Variants in AMMECR1 observed in about 807,000 individuals in gnomAD.
AMMECR1 encodes the protein AMMECR nuclear protein 1.
AMMECR1 carries 3 observed loss-of-function variants against 22.5 expected under a neutral mutation model. The observed-to-expected ratio is 0.13, with a 90% CI of 0.06 to 0.35. AMMECR1 has a LOEUF of 0.35. AMMECR1 is among the 10% of genes least tolerant of loss of function. The probability of loss-of-function intolerance (pLI) is 1.00; values close to 1 mark genes in which losing one functional copy is unlikely to be tolerated. For missense variants in AMMECR1, 235 were observed against 278.7 expected (o/e 0.84, Z 1.12); for synonymous variants, 130 against 116.7 (o/e 1.11, Z -0.74).
rs1263268844 is a variant in AMMECR1 at position 110,227,134 on chromosome X, T to C, written c.585-10502A>G. Among the ~76,000 whole-genome samples, 3 of 112,195 alleles carry C rather than the reference T, an allele frequency of 2.7e-5. No homozygotes were observed. In the Admixed American group the frequency reaches 2.8e-4, roughly 11 times the overall value. On this transcript the variant is annotated intron_variant, in intron 2 of 5. Coordinates refer to ENST00000262844, the MANE Select transcript of AMMECR1 (RefSeq NM_015365.3). ...TTTAATTTTGCTTTTCCAACCTGTA[T>C]GAATAAGCTCTCTCATACTCAGTAC...
At chrX:110,221,665 G>C in intron 2 of AMMECR1, among the ~76,000 whole-genome samples, 1 of 111,042 alleles carries the variant, frequency 9.0e-6, no homozygotes, top group Middle Eastern at 4.6e-3. Context: ...TAATATATAT[G>C]CTTAATATGA....
intron 1 of AMMECR1, among the ~76,000 whole-genome samples, chrX:110,316,995 G>A (rs1419930393): frequency 9.0e-6 from 1 of 111,164 alleles, no homozygotes; most frequent in Non-Finnish European, 1.9e-5. Context: ...GGGTGTATTT[G>A]GATAAAAATA....
At chrX:110,283,686 AC>A (rs1398566446) in intron 1 of AMMECR1, among the ~76,000 whole-genome samples, 3 of 111,741 alleles carry the variant, frequency 2.7e-5, no homozygotes, top group African/African-American at 6.5e-5. Flanking sequence ...CTCCCAAATA[AC>A]CCCACCTCCT....
intron 2 of AMMECR1, among the ~76,000 whole-genome samples, chrX:110,421,281 G>A (rs1408330477): frequency 4.4e-5 from 5 of 112,717 alleles, no homozygotes; most frequent in African/African-American, 1.6e-4. Context: ...GAAGGTGAGA[G>A]ATGCTTGCTT....
chrX:110,420,693 C>T (rs1347795914), intron 2 of AMMECR1, among the ~76,000 whole-genome samples: 2 of 111,979 alleles, frequency 1.8e-5, no homozygotes, highest in Non-Finnish European at 3.8e-5. Context: ...AAACAAATAC[C>T]CACAAACCGG....
chrX:110,311,202 T>C (rs2068021832), intron 1 of AMMECR1, among the ~76,000 whole-genome samples: 1 of 111,728 alleles, frequency 9.0e-6, no homozygotes. Context: ...CAAGATCTAC[T>C]GGTCAAACAG....
At chrX:110,271,026 G>T (rs949095884) in intron 1 of AMMECR1, among the ~76,000 whole-genome samples, 1 of 111,749 alleles carries the variant, frequency 8.9e-6, no homozygotes, top group African/African-American at 3.3e-5. Flanking sequence ...GAGAGAAATG[G>T]GAGGGGGCTA....
At chrX:110,262,343 C>T (rs1375963929) in intron 2 of AMMECR1, among the ~76,000 whole-genome samples, 3 of 111,716 alleles carry the variant, frequency 2.7e-5, no homozygotes, top group African/African-American at 9.8e-5. Flanking sequence ...TGTATACACA[C>T]GCACACACAC....
chrX:110,329,144 A>G (rs1331068003), intron 2 of AMMECR1, among the ~76,000 whole-genome samples: 1 of 111,953 alleles, frequency 8.9e-6, no homozygotes, highest in Non-Finnish European at 1.9e-5. Flanking sequence ...CTGACTTTTT[A>G]CTGATCGCCA....
At chrX:110,237,057 T>C (rs573802450) in intron 2 of AMMECR1, among the ~76,000 whole-genome samples, 3 of 111,534 alleles carry the variant, frequency 2.7e-5, no homozygotes, top group African/African-American at 9.8e-5. Flanking sequence ...AGGAGCTCCA[T>C]TGCTTCTTAT....
chrX:110,383,064 C>T (rs972173010), intron 2 of AMMECR1, among the ~76,000 whole-genome samples: 5 of 112,026 alleles, frequency 4.5e-5, no homozygotes, highest in African/African-American at 1.6e-4. Flanking sequence ...GGATGAGAAA[C>T]TCTTGCAAAA....
chrX:110,397,344 C>T (rs2068534925), intron 2 of AMMECR1, among the ~76,000 whole-genome samples: 1 of 111,079 alleles, frequency 9.0e-6, no homozygotes, highest in Non-Finnish European at 1.9e-5. Context: ...TAGTGGATGA[C>T]TGATCAGTCT....
intron 1 of AMMECR1, among the ~76,000 whole-genome samples, chrX:110,431,355 G>GTGTGT (rs1569428611): frequency 9.2e-6 from 1 of 108,966 alleles, no homozygotes; most frequent in Admixed American, 9.8e-5. Context: ...GTGTGTGTGT[G>GTGTGT]CTGGCTGAGG....
intron 1 of AMMECR1, chrX:110,306,861 G>T (rs999025585): frequency 8.1e-5 from 9 of 111,739 alleles, no homozygotes; most frequent in African/African-American, 2.9e-4. Context: ...TAAAAATTAA[G>T]CTAAGCAGAG....
chrX:110,336,278 G>A (rs1047414819), intron 2 of AMMECR1, among the ~76,000 whole-genome samples: 4 of 111,725 alleles, frequency 3.6e-5, no homozygotes, highest in South Asian at 3.7e-4. Flanking sequence ...GTCACTTAGA[G>A]ATCATCCAGA....
rs1021556830 is a variant in AMMECR1, at chrX:110,196,003, G to A, written c.*2517C>T. The A allele has an allele frequency of 8.9e-6, 1 of 111,925 alleles. No homozygotes were observed. Among genetic ancestry groups the A allele is most frequent in the African/African-American group, 3.2e-5 (1 of 30,787 alleles). 9.2% of individuals were successfully genotyped at this position (111,925 alleles called of 1,213,427 possible). A position where few individuals can be genotyped will look rare whatever the true frequency, so the allele number is the denominator to read the frequency against. On this transcript the variant is annotated 3_prime_UTR_variant, in exon 6 of 6. Transcript: ENST00000262844. ...GGAAATATTGCTGACCTCGTCCTTTGAAGCCTGCAGGATGGTTATTTCTTC... is the reference window on the plus strand; with the variant it reads ...GGAAATATTGCTGACCTCGTCCTTTAAAGCCTGCAGGATGGTTATTTCTTC...
chrX:110,377,784 C>T (rs1029754856), intron 2 of AMMECR1, among the ~76,000 whole-genome samples: 19 of 109,318 alleles, frequency 1.7e-4, no homozygotes, highest in African/African-American at 5.7e-4. Flanking sequence ...CCGAGGCGGG[C>T]GGATCACGAG....
At chrX:110,349,512 A>C (rs2068203242) in intron 2 of AMMECR1, among the ~76,000 whole-genome samples, 1 of 111,771 alleles carries the variant, frequency 8.9e-6, no homozygotes, top group South Asian at 3.8e-4. Context: ...AACAAAGTTC[A>C]GTTCATTTGT....
intron 2 of AMMECR1, among the ~76,000 whole-genome samples, chrX:110,260,171 T>C (rs755182031): frequency 8.9e-6 from 1 of 111,764 alleles, no homozygotes; most frequent in East Asian, 2.8e-4. Context: ...TCCTGCTTCG[T>C]ATTTTCTATA....
Sources: allele counts gnomAD v4.1 joint callset (sites outside exome capture counted in the v4.1 genomes callset), GRCh38; gene constraint gnomAD v4.1.1; transcripts MANE v1.5; gene names NCBI Gene and HGNC (gene_info 2026-07-23, HGNC 2026-07-21).